HECTD2: variants seen among roughly 807,000 people sequenced by gnomAD.
The protein encoded by HECTD2 is HECT domain E3 ubiquitin protein ligase 2.
In HECTD2, 35 loss-of-function variants were observed where a neutral mutation model predicts 103.2. The ratio of observed to expected loss-of-function variants is 0.34; its 90% confidence interval spans 0.26 to 0.45. The LOEUF (loss-of-function observed/expected upper bound fraction) is 0.45. Among genes scored for constraint, HECTD2 ranks in the 20% least tolerant of loss-of-function variants. HECTD2 has a pLI of 1.00. For missense variants in HECTD2, 596 were observed against 937.4 expected, an observed-to-expected ratio of 0.64 and a Z score of 4.76; for synonymous variants, 281 against 329.9, an observed-to-expected ratio of 0.85 and a Z score of 1.61.
At chr10:91,457,458 T>TTA (rs137957667) in intron 2 of HECTD2, among the ~76,000 whole-genome samples, 1,718 of 151,772 alleles carry the variant, frequency 0.011, 35 homozygotes, top group African/African-American at 0.039. Flanking sequence ...GTAAAAAGAG[T>TTA]TATACACCAT....
intron 2 of HECTD2, among the ~76,000 whole-genome samples, chr10:91,443,945 T>A (rs1414990818): frequency 6.6e-6 from 1 of 152,142 alleles, no homozygotes; most frequent in Non-Finnish European, 1.5e-5. Context: ...ATAAGTAAAA[T>A]TAGGTATCTC....
intron 10 of HECTD2, chr10:91,486,939 G>A: frequency 6.6e-6 from 1 of 152,106 alleles, no homozygotes; most frequent in East Asian, 1.9e-4. Flanking sequence ...GATTCCAGCT[G>A]TAACTGATAG....
chr10:91,416,204 C>T (rs890687055), intron 1 of HECTD2, among the ~76,000 whole-genome samples: 1 of 152,168 alleles, frequency 6.6e-6, no homozygotes, highest in Non-Finnish European at 1.5e-5. Context: ...TACGATTCTG[C>T]TTTGCTGTTT....
rs773829470 is a variant in HECTD2, at chr10:91,484,634, G to A, written c.949G>A (p.Ala317Thr). 6.2e-6 allele frequency: 10 copies of A among 1,607,244 alleles called. No individual in the cohort carries two copies. The highest frequency in any genetic ancestry group is 4.5e-5 in the East Asian group (2 of 44,794). ...TKCSWWIPSA[A>T]KVLALLNTAN... is the part of the protein sequence containing the mutation. ...GTGTTCCTGGTGGATTCCATCAGCC[G>A]CTAAAGTGTTGGCTTTACTTAGTAG... Residue 317 changes from alanine (A) to threonine (T), a missense_variant, in exon 9 of 21, where the codon GCT becomes ACT. Physicochemically the swap from Ala to Thr is moderately conservative, Grantham distance 58. Coordinates refer to ENST00000298068, the MANE Select transcript of HECTD2 (RefSeq NM_182765.6).
rs370411502 is a variant in HECTD2, at chr10:91,462,049, G to C, written c.511-46G>C. 3.1e-5 allele frequency: 42 copies of C among 1,353,336 alleles called. 1 individual carries two copies. The highest frequency in any genetic ancestry group is 4.2e-5 in the Non-Finnish European group (40 of 958,448). The allele number at this position is 1,353,336 out of a possible 1,614,324, so 83.8% of individuals were successfully genotyped here. A position where few individuals can be genotyped will look rare whatever the true frequency, so the allele number is the denominator to read the frequency against. ...TATGGTTCAAATTTTACTAAGAATA[G>C]TCTTTAAAATGTTGAATATACTTAA... On this transcript the variant is annotated intron_variant, in intron 4 of 20. Transcript: ENST00000298068.
At chr10:91,438,826 G>A (rs1308634058) in intron 2 of HECTD2, among the ~76,000 whole-genome samples, 2 of 152,006 alleles carry the variant, frequency 1.3e-5, no homozygotes, top group Admixed American at 6.6e-5. Flanking sequence ...CTCTAATGAC[G>A]AGTGATGATG....
Position 91,509,458 on chromosome 10 carries a change from A to G in HECTD2, c.2211-2806A>G, listed in dbSNP as rs566703620. 2.9e-4 allele frequency among the ~76,000 whole-genome samples: 44 copies of G among 152,250 alleles called. No homozygotes were observed. The South Asian group carries it at 9.1e-3, about 32-fold the overall frequency. On this transcript the variant is annotated intron_variant, in intron 20 of 20. Coordinates refer to ENST00000298068, the MANE Select transcript of HECTD2 (RefSeq NM_182765.6). Reference sequence around the variant, plus strand: ...CAACCCAGCAATGCCATTATTGGGTATGTACCCAAAGGAATATAAATTATT... The same window carrying G: ...CAACCCAGCAATGCCATTATTGGGTGTGTACCCAAAGGAATATAAATTATT...
chr10:91,473,178 T>C (rs1845788407), intron 5 of HECTD2, among the ~76,000 whole-genome samples: 1 of 152,036 alleles, frequency 6.6e-6, no homozygotes, highest in Non-Finnish European at 1.5e-5. Context: ...AGTAGTGAAA[T>C]TGGAACATCG....
intron 14 of HECTD2, among the ~76,000 whole-genome samples, chr10:91,495,752 G>A (rs1269117062): frequency 6.6e-6 from 1 of 151,954 alleles, no homozygotes; most frequent in Admixed American, 6.6e-5. Context: ...TGTTTATTCA[G>A]TTTAGCTCTG....
intron 2 of HECTD2, among the ~76,000 whole-genome samples, chr10:91,426,780 C>G (rs1197133929): frequency 6.6e-6 from 1 of 151,864 alleles, no homozygotes; most frequent in Non-Finnish European, 1.5e-5. Context: ...GAGCTTCCAT[C>G]AATGTGTGCT....
chr10:91,422,493 CTAT>C (rs1399465561), intron 1 of HECTD2, among the ~76,000 whole-genome samples: 4 of 152,068 alleles, frequency 2.6e-5, no homozygotes, highest in Non-Finnish European at 5.9e-5. Context: ...TTTGTTCGCA[CTAT>C]TATTAAGATT....
intron 1 of HECTD2, among the ~76,000 whole-genome samples, chr10:91,422,869 C>T (rs1843412635): frequency 6.6e-6 from 1 of 151,896 alleles, no homozygotes; most frequent in Admixed American, 6.6e-5. Context: ...TTTGGAGATC[C>T]CACAAGTGAA....
chr10:91,488,479 T>G (rs1846345744), intron 11 of HECTD2: 1 of 152,178 alleles, frequency 6.6e-6, no homozygotes, highest in South Asian at 2.1e-4. Flanking sequence ...TCTAAACTAT[T>G]TGTTTAAGTG....
At chr10:91,497,126 A>ATTTTT (rs56923120) in intron 15 of HECTD2, among the ~76,000 whole-genome samples, 2 of 97,354 alleles carry the variant, frequency 2.1e-5, no homozygotes, top group African/African-American at 5.2e-5. Flanking sequence ...TGCCCGGCAA[A>ATTTTT]TTTTTTTTTT....
chr10:91,497,896 G>C (rs916515153), intron 15 of HECTD2, among the ~76,000 whole-genome samples: 59 of 152,148 alleles, frequency 3.9e-4, no homozygotes, highest in African/African-American at 1.4e-3. Context: ...TTATGCCCCT[G>C]TAGTTTGAAC....
chr10:91,484,829 GA>G (rs1254674491), intron 9 of HECTD2, among the ~76,000 whole-genome samples, 174 bp downstream of exon 9: 1 of 151,902 alleles, frequency 6.6e-6, no homozygotes, highest in Non-Finnish European at 1.5e-5. Context: ...TTATAAGCAT[GA>G]AAAAAGCTTT....
At position 91,487,967 on chromosome 10, in the gene HECTD2, C is replaced by A; in HGVS notation, c.1191+189C>A. 1 of 404,740 alleles carries A rather than the reference C, an allele frequency of 2.5e-6. No homozygotes were observed. Among genetic ancestry groups the A allele is most frequent in the Non-Finnish European group, 4.4e-6 (1 of 224,858 alleles). The allele number at this position is 404,740 out of a possible 1,614,324, so 25.1% of individuals were successfully genotyped here. On this transcript the variant is annotated intron_variant, in intron 11 of 20. Coordinates refer to ENST00000298068, the MANE Select transcript of HECTD2 (RefSeq NM_182765.6). The surrounding 1 kb of genome is among the most constrained non-coding windows in gnomAD (Gnocchi z 4.1). ...TTGGGAGACAAGATAACTCTCATCT[C>A]TTCTGATCAACTTCTCATTATATTA...
chr10:91,510,543 G>GATGA (rs1428541186), intron 20 of HECTD2, among the ~76,000 whole-genome samples: 1 of 152,146 alleles, frequency 6.6e-6, no homozygotes, highest in Non-Finnish European at 1.5e-5. Flanking sequence ...TATCTAGGTA[G>GATGA]ATGAGTATTA....
At position 91,485,281 on chromosome 10, in the gene HECTD2, C is replaced by A. The variant is rs770248919; in HGVS notation, c.1072C>A (p.Gln358Lys). 6.3e-7 allele frequency: 1 copy of A among 1,592,682 alleles called. No individual in the cohort carries two copies. The highest frequency in any genetic ancestry group is 8.5e-7 in the Non-Finnish European group (1 of 1,172,066). The change falls in exon 10 of 21, where the codon CAA (glutamine) becomes AAA (lysine). Residue 358 changes from glutamine (Q) to lysine (K), a missense_variant. By Grantham distance (53) the Gln-to-Lys change is moderately conservative (BLOSUM62 1). This residue lies in a region of HECTD2 where 303 missense variants were observed against 522.5 expected (regional missense o/e 0.58). Transcript: ENST00000298068. ...TCTCATGGAAGAATATCATACTTGG[C>A]AAAACTTTGGAAACTCTCACAGGTA... ...IDLMEEYHTW[Q>K]NFGNSHRFSF...
Sources: gnomAD v4.1 joint callset for allele counts (sites outside exome capture counted in the v4.1 genomes callset) on GRCh38, gnomAD v4.1.1 for gene constraint, gnomAD v4.1.1 regional missense constraint, Gnocchi (gnomAD v3.1) non-coding constraint, MANE v1.5 for transcripts, NCBI Gene and HGNC (gene_info 2026-07-23, HGNC 2026-07-21) for gene names.